Variants in TENM4 observed in about 807,000 individuals in gnomAD.
The protein encoded by TENM4 is teneurin transmembrane protein 4, also known as teneurin-4.
A neutral mutation model predicts 243.3 loss-of-function variants in TENM4; 82 were observed. The ratio of observed to expected loss-of-function variants is 0.34; its 90% confidence interval spans 0.28 to 0.40. The LOEUF (loss-of-function observed/expected upper bound fraction) is 0.40, where lower values mean the gene tolerates loss of function less well. Ranked by LOEUF, TENM4 falls within the 10% of genes least tolerant of loss-of-function variation. The pLI is 1.00. For synonymous variants in TENM4, 1,412 were observed against 1,456.3 expected (o/e 0.97, Z 0.69); for missense variants, 3,138 against 3,673.3 (o/e 0.85, Z 3.77).
chr11:78,736,983 C>T (rs920447625), intron 20 of TENM4, among the ~76,000 whole-genome samples: 1 of 152,050 alleles, frequency 6.6e-6, no homozygotes, highest in Admixed American at 6.5e-5. Flanking sequence ...CTGAGCTTTC[C>T]CCAAAGGCCA....
Position 79,376,253 on chromosome 11 carries a change from G to A in TENM4, c.-321+64256C>T, listed in dbSNP as rs945695652. Among the ~76,000 whole-genome samples, 79 of 152,330 alleles carry A rather than the reference G, an allele frequency of 5.2e-4. 1 individual carries two copies. Among genetic ancestry groups the A allele is most frequent in the African/African-American group, 1.7e-3 (69 of 41,580 alleles). On this transcript the variant is annotated intron_variant, in intron 1 of 33. Transcript: ENST00000278550. Reference sequence around the variant, plus strand: ...TTCACCTATGTGGATGGAGGGATATGAGGCACAAAGATAGTAGGTGAACTC... The same window carrying A: ...TTCACCTATGTGGATGGAGGGATATAAGGCACAAAGATAGTAGGTGAACTC...
At chr11:78,905,953 TG>T (rs954275905) in intron 6 of TENM4, among the ~76,000 whole-genome samples, 6 of 152,226 alleles carry the variant, frequency 3.9e-5, no homozygotes, top group Admixed American at 3.9e-4. Context: ...AGCAGCCTCT[TG>T]GGCTGACTGA....
chr11:79,409,327 G>T (rs1180700118), intron 1 of TENM4, among the ~76,000 whole-genome samples: 2 of 152,084 alleles, frequency 1.3e-5, no homozygotes, highest in African/African-American at 4.8e-5. Context: ...AGCATTTAAA[G>T]GTAGATTCTG....
intron 1 of TENM4, among the ~76,000 whole-genome samples, chr11:79,360,302 A>C (rs950747786): frequency 6.6e-6 from 1 of 152,226 alleles, no homozygotes; most frequent in African/African-American, 2.4e-5. Flanking sequence ...CATAAGTTTC[A>C]GAATGTTTTC....
At chr11:79,194,509 C>T (rs1032273698) in intron 3 of TENM4, among the ~76,000 whole-genome samples, 3 of 151,906 alleles carry the variant, frequency 2.0e-5, no homozygotes, top group Admixed American at 2.0e-4. Flanking sequence ...GAGGTGGTCT[C>T]CAGTGGAGAT....
chr11:78,999,902 T>C (rs56291803), intron 6 of TENM4, among the ~76,000 whole-genome samples: 11,303 of 151,978 alleles, frequency 0.074, 491 homozygotes, highest in Admixed American at 0.14. Flanking sequence ...AACATTAATC[T>C]ATATATCCAA....
At chr11:79,046,263 A>G (rs946855332) in intron 6 of TENM4, among the ~76,000 whole-genome samples, 1 of 152,222 alleles carries the variant, frequency 6.6e-6, no homozygotes, top group East Asian at 1.9e-4. Flanking sequence ...TCAGGGGCCC[A>G]GCATGGAGAG....
intron 6 of TENM4, among the ~76,000 whole-genome samples, chr11:79,050,414 G>A (rs1191735438): frequency 1.3e-5 from 2 of 152,196 alleles, no homozygotes; most frequent in East Asian, 3.8e-4. Context: ...GCCGCATGTA[G>A]AGTGAGAGAG....
intron 3 of TENM4, among the ~76,000 whole-genome samples, chr11:79,162,510 A>G (rs1057171718): frequency 6.6e-6 from 1 of 151,206 alleles, no homozygotes; most frequent in African/African-American, 2.4e-5. Context: ...TATCTGTCTG[A>G]CTCCTCTATG....
At chr11:78,900,542 T>G (rs1295473921) in intron 7 of TENM4, among the ~76,000 whole-genome samples, 4 of 152,202 alleles carry the variant, frequency 2.6e-5, no homozygotes, top group African/African-American at 4.8e-5. Flanking sequence ...AGAGAAGATG[T>G]ATATGAAAAA....
intron 3 of TENM4, among the ~76,000 whole-genome samples, chr11:79,164,021 G>A (rs1361397042): frequency 5.0e-5 from 3 of 59,662 alleles, no homozygotes; most frequent in Admixed American, 1.8e-4. Flanking sequence ...TATATATATA[G>A]TATGTATATA....
chr11:78,653,954 A>G lies in TENM4; in HGVS notation c.*4104T>C, dbSNP rs146562320. On this transcript the variant is annotated 3_prime_UTR_variant, in exon 34 of 34. Transcript: ENST00000278550. ...GTTGGAGAGGATAAGGTTTCTCTCT[A>G]TCACCTCAGCAATGAGTCTTTAAAA... 7.3e-3 allele frequency: 1,115 copies of G among 152,364 alleles called. 8 individuals carry two copies. Among genetic ancestry groups the G allele is most frequent in the Non-Finnish European group, 0.01 (705 of 68,038 alleles). The allele number at this position is 152,364 out of a possible 1,614,324, so 9.4% of individuals were successfully genotyped here. A position where few individuals can be genotyped will look rare whatever the true frequency, so the allele number is the denominator to read the frequency against.
chr11:78,861,669 C>T (rs1187075765), intron 10 of TENM4, among the ~76,000 whole-genome samples: 1 of 152,318 alleles, frequency 6.6e-6, no homozygotes, highest in Admixed American at 6.5e-5. Context: ...ATCCTCATTT[C>T]AGAGGTCATG....
intron 3 of TENM4, among the ~76,000 whole-genome samples, chr11:79,160,783 T>C: frequency 6.6e-6 from 1 of 152,226 alleles, no homozygotes. Flanking sequence ...TGTCCCTCAA[T>C]GATCAATCTC....
intron 1 of TENM4, among the ~76,000 whole-genome samples, chr11:79,389,118 T>C (rs1390090468): frequency 6.6e-6 from 1 of 152,140 alleles, no homozygotes; most frequent in Admixed American, 6.5e-5. Flanking sequence ...CATACTGATA[T>C]CTTGCCCTCA....
intron 6 of TENM4, among the ~76,000 whole-genome samples, chr11:78,993,152 A>G (rs1429600126): frequency 1.3e-5 from 2 of 152,162 alleles, no homozygotes; most frequent in African/African-American, 4.8e-5. Context: ...TAAAAAGCTC[A>G]AAATCTTTCA....
chr11:79,028,552 T>C (rs1859145070), intron 6 of TENM4, among the ~76,000 whole-genome samples: 1 of 152,196 alleles, frequency 6.6e-6, no homozygotes, highest in Admixed American at 6.5e-5. Context: ...GTCTTTGTAA[T>C]CCTCACTCCT....
In TENM4 at chr11:78,862,974, C is replaced by A; in HGVS notation, c.1243G>T (p.Gly415Ter). 1 of 1,469,254 alleles carries A rather than the reference C, an allele frequency of 6.8e-7. No homozygotes were observed. Among genetic ancestry groups the A allele is most frequent in the Non-Finnish European group, 9.2e-7 (1 of 1,091,186 alleles). The allele number at this position is 1,469,254 out of a possible 1,614,324, so 91.0% of individuals were successfully genotyped here. A position where few individuals can be genotyped will look rare whatever the true frequency, so the allele number is the denominator to read the frequency against. The change falls in exon 10 of 34, where the codon GGA becomes TGA. Residue 415 changes from glycine (G) to a stop codon, truncating the protein, a stop_gained. Transcript: ENST00000278550. LOFTEE classifies it high-confidence loss of function. The part of the protein sequence containing the change: ...GLETPDRKGK[G>*]TTEGKPSSFF... ...GCAGCAACCCTACCTTCTGTGGTTC[C>A]TTTGCCTTTCCTGTCAGGGGTCTCT...
chr11:79,297,719 G>T (rs778792285), intron 1 of TENM4, among the ~76,000 whole-genome samples, 176 bp from the exon 2 acceptor site: 21 of 152,132 alleles, frequency 1.4e-4, no homozygotes, highest in African/African-American at 4.1e-4. Context: ...AATAAATTAC[G>T]CATGATAATT....
Sources: allele counts gnomAD v4.1 joint callset (sites outside exome capture counted in the v4.1 genomes callset), GRCh38; gene constraint gnomAD v4.1.1; transcripts MANE v1.5; gene names NCBI Gene and HGNC (gene_info 2026-07-23, HGNC 2026-07-21).